Variants in FAM107B observed in about 807,000 individuals in gnomAD.
The protein encoded by FAM107B is family with sequence similarity 107 member B, also known as protein FAM107B.
Under a neutral mutation model 31.5 loss-of-function variants are expected in FAM107B, and 21 were observed. That is an observed-to-expected ratio of 0.67 (90% CI 0.47 to 0.96). The LOEUF is 0.96. Ranked by LOEUF, FAM107B falls within the 40% of genes least tolerant of loss-of-function variation. The pLI, the probability that FAM107B is intolerant of heterozygous loss-of-function variation, is 0.00. For synonymous variants in FAM107B, 157 were observed against 141.5 expected, an observed-to-expected ratio of 1.11 and a Z score of -0.78; for missense variants, 452 against 377.1, an observed-to-expected ratio of 1.20 and a Z score of -1.64.
At chr10:14,556,482 C>G (rs111566215) in intron 2 of FAM107B, 1 of 922,102 alleles carries the variant, frequency 1.1e-6, no homozygotes, top group African/African-American at 1.8e-5. Flanking sequence ...ATTTGTCAAG[C>G]CCCGACCTAA....
At chr10:14,658,318 C>T (rs775153948) in intron 2 of FAM107B, among the ~76,000 whole-genome samples, 2 of 152,176 alleles carry the variant, frequency 1.3e-5, no homozygotes, top group Non-Finnish European at 2.9e-5. Flanking sequence ...CCTGTGACCC[C>T]ACAGACTGTC....
intron 2 of FAM107B, among the ~76,000 whole-genome samples, chr10:14,655,632 C>G (rs1388527520): frequency 6.6e-6 from 1 of 152,120 alleles, no homozygotes; most frequent in East Asian, 1.9e-4. Context: ...GTTCAGGTTC[C>G]CTTAGAAGTA....
chr10:14,772,810 A>G (rs1275675339), intron 1 of FAM107B, among the ~76,000 whole-genome samples: 2 of 152,182 alleles, frequency 1.3e-5, no homozygotes, highest in African/African-American at 4.8e-5. Flanking sequence ...TTGAATTCAC[A>G]TGCTTGCCTT....
chr10:14,727,804 T>C (rs968187563), intron 1 of FAM107B, among the ~76,000 whole-genome samples: 31 of 152,256 alleles, frequency 2.0e-4, no homozygotes, highest in African/African-American at 7.0e-4. Flanking sequence ...CATGCTTTAA[T>C]AGCCCACTTC....
rs538921289 is a variant in FAM107B at position 14,713,301 on chromosome 10, A to G, written c.412-45610T>C. Among the ~76,000 whole-genome samples the G allele has an allele frequency of 1.1e-4, 16 of 152,340 alleles. No homozygotes were observed. The South Asian group carries it at 3.1e-3, about 30-fold the overall frequency. ...TTCATATCACAGCATGGATAATGTT[A>G]CATAGAAAACATTCTGAAAATATTT... On this transcript the variant is annotated intron_variant, in intron 1 of 4. Transcript: ENST00000181796.
At position 14,519,301 on chromosome 10, in the gene FAM107B, T is replaced by C. The variant is rs931673938; in HGVS notation, c.*1889A>G. 1.3e-5 allele frequency: 2 copies of C among 152,132 alleles called. No individual in the cohort carries two copies. The highest frequency in any genetic ancestry group is 2.9e-5 in the Non-Finnish European group (2 of 68,032). The allele number at this position is 152,132 out of a possible 1,614,324, so 9.4% of individuals were successfully genotyped here. On this transcript the variant is annotated 3_prime_UTR_variant, in exon 5 of 5. Transcript: ENST00000181796. Reference sequence around the variant, plus strand: ...AATACAGATTTCAAGATCTGACATCTAGTTAGATAAAAAGATATGAGCCAG... The same window carrying C: ...AATACAGATTTCAAGATCTGACATCCAGTTAGATAAAAAGATATGAGCCAG...
chr10:14,662,227 T>A (rs183226503), intron 2 of FAM107B, among the ~76,000 whole-genome samples: 1 of 152,282 alleles, frequency 6.6e-6, no homozygotes, highest in Non-Finnish European at 1.5e-5. Context: ...ATAGACATAA[T>A]CCCTGCTTTT....
intron 2 of FAM107B, among the ~76,000 whole-genome samples, chr10:14,657,169 A>G (rs1564616256): frequency 6.6e-6 from 1 of 152,348 alleles, no homozygotes; most frequent in South Asian, 2.1e-4. Flanking sequence ...ATGATCTGTT[A>G]AATTTCCTAA....
chr10:14,628,672 T>C (rs991121878), intron 2 of FAM107B, among the ~76,000 whole-genome samples: 2 of 152,202 alleles, frequency 1.3e-5, no homozygotes, highest in Non-Finnish European at 2.9e-5. Context: ...ACTCACAGTA[T>C]TATTTGTGTG....
chr10:14,761,048 C>T (rs1172272711), intron 1 of FAM107B, among the ~76,000 whole-genome samples: 1 of 147,654 alleles, frequency 6.8e-6, no homozygotes, highest in Non-Finnish European at 1.5e-5. Context: ...AAAGACATAT[C>T]GTTAAGCTAG....
intron 1 of FAM107B, among the ~76,000 whole-genome samples, chr10:14,705,325 T>C (rs750807652): frequency 3.9e-5 from 6 of 152,100 alleles, no homozygotes; most frequent in Admixed American, 2.6e-4. Flanking sequence ...TAATTACACA[T>C]ACAACTACCC....
At chr10:14,647,037 G>A (rs537821388) in intron 2 of FAM107B, among the ~76,000 whole-genome samples, 35 of 151,938 alleles carry the variant, frequency 2.3e-4, no homozygotes, top group South Asian at 6.2e-4. Flanking sequence ...CTCGTGATCC[G>A]CCTGCCTCGG....
chr10:14,615,825 T>C (rs1554840643), intron 2 of FAM107B, among the ~76,000 whole-genome samples: 1 of 152,258 alleles, frequency 6.6e-6, no homozygotes, highest in Non-Finnish European at 1.5e-5. Context: ...ATTTTTTGTA[T>C]GTGTTCCCTA....
intron 1 of FAM107B, among the ~76,000 whole-genome samples, chr10:14,714,518 C>T (rs1224642035): frequency 1.3e-5 from 2 of 152,214 alleles, no homozygotes; most frequent in Non-Finnish European, 2.9e-5. Context: ...GATGCTGCCA[C>T]ACCTCAGTAG....
chr10:14,736,967 T>C (rs1439776172), intron 1 of FAM107B, among the ~76,000 whole-genome samples: 2 of 152,036 alleles, frequency 1.3e-5, no homozygotes, highest in Non-Finnish European at 2.9e-5. Context: ...GTTGGCAGTC[T>C]GGGGAAAGGC....
chr10:14,744,406 G>A (rs1380339524), intron 1 of FAM107B, among the ~76,000 whole-genome samples: 1 of 152,168 alleles, frequency 6.6e-6, no homozygotes, highest in Non-Finnish European at 1.5e-5. Flanking sequence ...TGGTGAGAGA[G>A]GACATCCTTG....
chr10:14,676,297 G>C (rs1251010380), intron 1 of FAM107B, among the ~76,000 whole-genome samples: 1 of 152,180 alleles, frequency 6.6e-6, no homozygotes, highest in African/African-American at 2.4e-5. Flanking sequence ...AGTACCAAGA[G>C]TCTTCCATAC....
chr10:14,642,095 G>A (rs539872451), intron 2 of FAM107B, among the ~76,000 whole-genome samples: 4 of 152,202 alleles, frequency 2.6e-5, no homozygotes, highest in Admixed American at 6.5e-5. Flanking sequence ...TTCCCATTCC[G>A]AAAGGGAGAA....
At chr10:14,709,787 T>C (rs1044098370) in intron 1 of FAM107B, among the ~76,000 whole-genome samples, 35 of 152,150 alleles carry the variant, frequency 2.3e-4, no homozygotes, top group African/African-American at 8.0e-4. Context: ...GGAGAAACAT[T>C]AAATGCATAT....
Sources: allele counts gnomAD v4.1 joint callset (sites outside exome capture counted in the v4.1 genomes callset), GRCh38; gene constraint gnomAD v4.1.1; transcripts MANE v1.5; gene names NCBI Gene and HGNC (gene_info 2026-07-23, HGNC 2026-07-21).